SPAG17: variants seen among roughly 807,000 people sequenced by gnomAD.
The protein encoded by SPAG17 is sperm associated antigen 17, also known as sperm-associated antigen 17.
Under a neutral mutation model 273.6 loss-of-function variants are expected in SPAG17, and 169 were observed. That is an observed-to-expected ratio of 0.62 (90% CI 0.55 to 0.70). The LOEUF is 0.70. Among genes scored for constraint, SPAG17 ranks in the 30% least tolerant of loss-of-function variants. The pLI, the probability that SPAG17 is intolerant of heterozygous loss-of-function variation, is 0.00. For synonymous variants in SPAG17, 825 were observed against 873.2 expected, an observed-to-expected ratio of 0.94 and a Z score of 0.97; for missense variants, 2,557 against 2,627.8, an observed-to-expected ratio of 0.97 and a Z score of 0.59.
At chr1:118,158,544 C>A (rs1659766343) in intron 1 of SPAG17, among the ~76,000 whole-genome samples, 1 of 152,166 alleles carries the variant, frequency 6.6e-6, no homozygotes, top group African/African-American at 2.4e-5. Context: ...ACATGGATGT[C>A]ATGCAGCGCT....
intron 40 of SPAG17, among the ~76,000 whole-genome samples, 160 bp downstream of exon 40, chr1:117,987,674 T>C (rs754900218): frequency 1.3e-5 from 2 of 152,188 alleles, no homozygotes; most frequent in Non-Finnish European, 2.9e-5. Context: ...CAAGAGACAG[T>C]GATGTCATCA....
At chr1:118,024,484 G>C (rs1237307269) in intron 27 of SPAG17, among the ~76,000 whole-genome samples, 2 of 151,740 alleles carry the variant, frequency 1.3e-5, no homozygotes, top group African/African-American at 4.8e-5. Flanking sequence ...ATTTCTTTTA[G>C]ATATTGAATT....
In SPAG17 at chr1:118,039,327, T is replaced by C; in HGVS notation, c.3284A>G (p.Glu1095Gly). Residue 1095 changes from glutamate to glycine, a missense_variant, in exon 23 of 49, where the codon GAA (glutamate) becomes GGA (glycine). Physicochemically the swap from Glu to Gly is moderately conservative, Grantham distance 98. Transcript: ENST00000336338. ...EEKGDYYLEE[E>G]EEGDEEQSLE... Reference sequence around the variant, plus strand: ...ACTTTGTTCCTCATCTCCTTCTTCTTCCTCTTCTAAATAATAATCCCCTTT... The same window carrying C: ...ACTTTGTTCCTCATCTCCTTCTTCTCCCTCTTCTAAATAATAATCCCCTTT... 6.2e-7 allele frequency: 1 copy of C among 1,613,408 alleles called. No individual in the cohort carries two copies. The highest frequency in any genetic ancestry group is 1.3e-5 in the African/African-American group (1 of 74,988).
At chr1:118,024,775 C>T (rs1251567942) in intron 27 of SPAG17, among the ~76,000 whole-genome samples, 1 of 152,014 alleles carries the variant, frequency 6.6e-6, no homozygotes, top group African/African-American at 2.4e-5. Flanking sequence ...TGTTAGAATT[C>T]CCATTTCGAT....
intron 38 of SPAG17, among the ~76,000 whole-genome samples, chr1:117,989,633 T>G (rs1045317632): frequency 1.3e-5 from 2 of 152,136 alleles, no homozygotes; most frequent in African/African-American, 4.8e-5. Context: ...TGGAGTACAG[T>G]GGCATGATCT....
chr1:118,184,360 T>G (rs1393296736), intron 1 of SPAG17, among the ~76,000 whole-genome samples: 1 of 152,148 alleles, frequency 6.6e-6, no homozygotes, highest in Non-Finnish European at 1.5e-5. Flanking sequence ...CAAGAGCTAT[T>G]GGGCTCCTCA....
chr1:117,999,891 A>C (rs1255084257), intron 32 of SPAG17, among the ~76,000 whole-genome samples: 1 of 151,994 alleles, frequency 6.6e-6, no homozygotes, highest in Non-Finnish European at 1.5e-5. Context: ...GTCATGAAGT[A>C]CTTGCCCATG....
At chr1:118,107,513 C>T (rs558681408) in intron 4 of SPAG17, among the ~76,000 whole-genome samples, 54 of 152,232 alleles carry the variant, frequency 3.5e-4, no homozygotes, top group African/African-American at 7.9e-4. Flanking sequence ...CCCCCACCTT[C>T]GCAAAAGTAT....
chr1:118,115,832 G>A (rs897720941), intron 3 of SPAG17, among the ~76,000 whole-genome samples: 2 of 152,170 alleles, frequency 1.3e-5, no homozygotes, highest in Non-Finnish European at 1.5e-5. Flanking sequence ...GTCAAACTTT[G>A]ACTTATTAGG....
Position 118,091,666 on chromosome 1 carries a change from C to A in SPAG17, c.1299G>T (p.Leu433=), listed in dbSNP as rs1441481565. The change falls in exon 10 of 49, where the codon CTG becomes CTT. Residue 433 remains leucine (L), a synonymous_variant. Transcript: ENST00000336338. The stretch of plus-strand genomic sequence containing the variant: ...AAATGAATTCCTCTCGAATTGGATT[C>A]AGCAAATAATTGTAATATCTCATGT... ...EVDMRYYNYL[L]NPIREEFISV... 1 of 1,612,842 alleles carries A rather than the reference C, an allele frequency of 6.2e-7. No homozygotes were observed. The highest frequency in any genetic ancestry group is 2.2e-5 in the East Asian group (1 of 44,852).
intron 36 of SPAG17, 127 bp from the exon 37 acceptor site, chr1:117,991,655 G>A (rs1657092470): frequency 1.9e-6 from 1 of 538,352 alleles, no homozygotes; most frequent in African/African-American, 2.0e-5. Context: ...CTCAACAACT[G>A]TTTACTAGTC....
rs936918902 is a variant in SPAG17 at position 118,149,504 on chromosome 1, A to T, written c.315+1039T>A. ...ATAATGTTTCAAGTGGAGCACACAC[A>T]TTCGGAACATTATAAAAAAGAGACA... On this transcript the variant is annotated intron_variant, in intron 3 of 48. Transcript: ENST00000336338. 5.9e-5 allele frequency among the ~76,000 whole-genome samples: 9 copies of T among 152,344 alleles called. No homozygotes were observed. In the South Asian group the frequency reaches 1.7e-3, roughly 28 times the overall value.
chr1:118,174,478 T>C (rs1444189575), intron 1 of SPAG17, among the ~76,000 whole-genome samples: 1 of 152,034 alleles, frequency 6.6e-6, no homozygotes, highest in African/African-American at 2.4e-5. Flanking sequence ...CAAAAGAGAC[T>C]TAAGGGATAC....
chr1:118,143,328 A>G (rs747579711), intron 3 of SPAG17, among the ~76,000 whole-genome samples: 13 of 152,220 alleles, frequency 8.5e-5, no homozygotes, highest in Non-Finnish European at 1.3e-4. Context: ...TAGAAAAAAC[A>G]GACTTCTGAA....
chr1:118,160,236 A>G (rs1012522389), intron 1 of SPAG17, among the ~76,000 whole-genome samples: 3 of 152,228 alleles, frequency 2.0e-5, no homozygotes, highest in Admixed American at 2.0e-4. Flanking sequence ...TTTGACCTTG[A>G]TTGAGTTCCT....
chr1:118,009,628 C>T lies in SPAG17; in HGVS notation c.4433-1430G>A, dbSNP rs141345226. Among the ~76,000 whole-genome samples the T allele has an allele frequency of 1.1e-3, 175 of 152,228 alleles. 2 individuals are homozygous for T. The highest frequency in any genetic ancestry group is 4.0e-3 in the African/African-American group (166 of 41,558). ...ATGCCTTGAGGATCAAAGGAAACAT[C>T]TGAAAGCTAGTATCTAGGACAGATG... On this transcript the variant is annotated intron_variant, in intron 30 of 48. Transcript: ENST00000336338.
intron 3 of SPAG17, among the ~76,000 whole-genome samples, chr1:118,124,372 G>T (rs1657586874): frequency 6.6e-6 from 1 of 151,796 alleles, no homozygotes; most frequent in Non-Finnish European, 1.5e-5. Context: ...AAAATTATTT[G>T]TGCACAGGGT....
intron 1 of SPAG17, among the ~76,000 whole-genome samples, chr1:118,173,700 A>G (rs1364900864): frequency 1.3e-5 from 2 of 152,200 alleles, no homozygotes; most frequent in East Asian, 3.9e-4. Flanking sequence ...ATTTCTACAA[A>G]GCAATACAAA....
chr1:118,013,822 G>C (rs1170737488), intron 29 of SPAG17, among the ~76,000 whole-genome samples: 1 of 152,050 alleles, frequency 6.6e-6, no homozygotes, highest in Non-Finnish European at 1.5e-5. Flanking sequence ...CAGTAACAAG[G>C]ATATTTCTGA....
Sources: gnomAD v4.1 joint callset for allele counts (sites outside exome capture counted in the v4.1 genomes callset) on GRCh38, gnomAD v4.1.1 for gene constraint, MANE v1.5 for transcripts, NCBI Gene and HGNC (gene_info 2026-07-23, HGNC 2026-07-21) for gene names.